The following DOCK3 variants were observed in gnomAD, a reference collection of about 807,000 sequenced individuals.
DOCK3 encodes the protein dedicator of cytokinesis protein 3.
DOCK3 carries 60 observed loss-of-function variants against 265.6 expected under a neutral mutation model. The ratio of observed to expected loss-of-function variants is 0.23; its 90% confidence interval spans 0.18 to 0.28. DOCK3 has a LOEUF of 0.28. Ranked by LOEUF, DOCK3 falls within the 10% of genes least tolerant of loss-of-function variation. The pLI is 1.00. For synonymous variants in DOCK3, 881 were observed against 938.0 expected, an observed-to-expected ratio of 0.94 and a Z score of 1.11; for missense variants, 1,981 against 2,594.3, an observed-to-expected ratio of 0.76 and a Z score of 5.14.
At chr3:50,835,645 T>G (rs1036902137) in intron 2 of DOCK3, among the ~76,000 whole-genome samples, 2 of 152,204 alleles carry the variant, frequency 1.3e-5, no homozygotes, top group Non-Finnish European at 2.9e-5. Flanking sequence ...GTTTTTAGGT[T>G]TCTCTTTAAA....
chr3:51,012,986 T>A (rs1416903653), intron 5 of DOCK3, among the ~76,000 whole-genome samples: 3 of 152,176 alleles, frequency 2.0e-5, no homozygotes, highest in African/African-American at 7.2e-5. Context: ...GTGCCATGGT[T>A]TTCAGCTCCA....
At chr3:51,155,394 A>G (rs1310231689) in intron 10 of DOCK3, among the ~76,000 whole-genome samples, 4 of 152,178 alleles carry the variant, frequency 2.6e-5, no homozygotes, top group East Asian at 1.9e-4. Flanking sequence ...TTTAAGCTCT[A>G]TGAAATTATA....
chr3:51,088,350 A>G (rs1380086413), intron 7 of DOCK3, among the ~76,000 whole-genome samples: 1 of 152,200 alleles, frequency 6.6e-6, no homozygotes, highest in Non-Finnish European at 1.5e-5. Flanking sequence ...GTTTGATAGC[A>G]CAGTGGGGTG....
At chr3:50,706,039 A>T (rs1440410805) in intron 1 of DOCK3, among the ~76,000 whole-genome samples, 1 of 151,962 alleles carries the variant, frequency 6.6e-6, no homozygotes, top group Non-Finnish European at 1.5e-5. Flanking sequence ...TCAAAAAAAA[A>T]AAAAGTGGCA....
rs1489433943 is a variant in DOCK3, at chr3:51,236,502, A to G, written c.2001+74A>G. 2.3e-6 allele frequency: 3 copies of G among 1,324,120 alleles called. No homozygotes were observed. The East Asian group carries it at 7.0e-5, about 31-fold the overall frequency. 82.0% of individuals were successfully genotyped at this position (1,324,120 alleles called of 1,614,324 possible). On this transcript the variant is annotated intron_variant, in intron 20 of 52. Coordinates refer to ENST00000266037, the MANE Select transcript of DOCK3 (RefSeq NM_004947.5). ...TATTTCAGAAAATTTAAGGGAAGCAATTTATTAGAGTGAATCAGCACAAGA... is the reference window on the plus strand; with the variant it reads ...TATTTCAGAAAATTTAAGGGAAGCAGTTTATTAGAGTGAATCAGCACAAGA...
chr3:50,895,152 GT>G (rs1319625529), intron 4 of DOCK3, among the ~76,000 whole-genome samples: 2 of 142,214 alleles, frequency 1.4e-5, no homozygotes, highest in African/African-American at 5.2e-5. Flanking sequence ...AGTAATCTTA[GT>G]TTTTATTTCA....
intron 9 of DOCK3, among the ~76,000 whole-genome samples, chr3:51,127,750 C>T (rs1576172145): frequency 6.6e-6 from 1 of 152,164 alleles, no homozygotes; most frequent in African/African-American, 2.4e-5. Context: ...ATTCCCTTTG[C>T]CTTCAGCAAG....
intron 12 of DOCK3, among the ~76,000 whole-genome samples, chr3:51,179,146 C>T (rs1238480612): frequency 1.3e-5 from 2 of 152,098 alleles, no homozygotes; most frequent in Non-Finnish European, 2.9e-5. Flanking sequence ...TTTTTTTGTC[C>T]AACAAACAGA....
At chr3:50,913,935 A>G (rs1472382328) in intron 4 of DOCK3, among the ~76,000 whole-genome samples, 7 of 152,022 alleles carry the variant, frequency 4.6e-5, no homozygotes, top group Admixed American at 4.6e-4. Flanking sequence ...GTTCTCATAA[A>G]GGTGCTTTTT....
In DOCK3 at chr3:51,054,922, T is replaced by C. The variant is rs184686143; in HGVS notation, c.316-9526T>C. Among the ~76,000 whole-genome samples the C allele has an allele frequency of 1.3e-3, 202 of 152,346 alleles. 1 individual carries two copies. The highest frequency in any genetic ancestry group is 2.5e-3 in the South Asian group (12 of 4,826). ...TTGTCATTGTGTCTGTTTCCTCCAA[T>C]ATCTATTTTTCTGATTGCTTTGGTC... On this transcript the variant is annotated intron_variant, in intron 5 of 52. Transcript: ENST00000266037.
intron 3 of DOCK3, among the ~76,000 whole-genome samples, chr3:50,857,499 A>G (rs1039573182): frequency 6.6e-6 from 1 of 152,212 alleles, no homozygotes; most frequent in African/African-American, 2.4e-5. Flanking sequence ...TGAACAGGCA[A>G]CCTACAGAAT....
chr3:51,330,268 G>T, intron 33 of DOCK3, 45 bp downstream of exon 33: 1 of 1,543,664 alleles, frequency 6.5e-7, no homozygotes, highest in South Asian at 1.2e-5. Context: ...GGGATGGGAT[G>T]AAGTGGGCCA....
chr3:50,845,273 T>C (rs1462974020), intron 3 of DOCK3, among the ~76,000 whole-genome samples: 1 of 152,000 alleles, frequency 6.6e-6, no homozygotes, highest in South Asian at 2.1e-4. Context: ...AGACATAAAA[T>C]TGAGAAAAAA....
chr3:51,110,376 C>A (rs4267675), intron 9 of DOCK3, among the ~76,000 whole-genome samples: 134,727 of 152,038 alleles, frequency 0.89, 59,819 homozygotes, highest in East Asian at 0.94. Context: ...ACCACCACCA[C>A]CAACAACAAC....
intron 2 of DOCK3, among the ~76,000 whole-genome samples, chr3:50,818,635 A>G (rs567922083): frequency 2.9e-4 from 44 of 152,346 alleles, no homozygotes; most frequent in Non-Finnish European, 5.7e-4. Context: ...TATGGTTACT[A>G]CACAGATGGT....
At chr3:51,189,324 G>T (rs1331628719) in intron 12 of DOCK3, among the ~76,000 whole-genome samples, 1 of 152,004 alleles carries the variant, frequency 6.6e-6, no homozygotes, top group African/African-American at 2.4e-5. Context: ...TGGATGAATT[G>T]TATAGTGGTG....
chr3:50,823,527 T>C (rs1395911119), intron 2 of DOCK3, among the ~76,000 whole-genome samples: 2 of 152,234 alleles, frequency 1.3e-5, no homozygotes, highest in African/African-American at 4.8e-5. Flanking sequence ...AGAATTTTTC[T>C]TAGTACAGAA....
At chr3:51,377,945 G>A (rs561540639) in intron 51 of DOCK3, among the ~76,000 whole-genome samples, 1 of 152,314 alleles carries the variant, frequency 6.6e-6, no homozygotes, top group South Asian at 2.1e-4. Context: ...ATATTTCTTT[G>A]GTGGCTTTTT....
intron 49 of DOCK3, among the ~76,000 whole-genome samples, chr3:51,372,468 C>T (rs2110507583): frequency 6.6e-6 from 1 of 152,354 alleles, no homozygotes; most frequent in Non-Finnish European, 1.5e-5. Context: ...GAATCTTCAG[C>T]AGAGCCCCTG....
Sources: allele counts gnomAD v4.1 joint callset (sites outside exome capture counted in the v4.1 genomes callset), GRCh38; gene constraint gnomAD v4.1.1; transcripts MANE v1.5; gene names NCBI Gene and HGNC (gene_info 2026-07-23, HGNC 2026-07-21).